Variants in MORC1 observed in about 807,000 individuals in gnomAD.
The protein encoded by MORC1 is MORC family CW-type zinc finger protein 1.
Under a neutral mutation model 134.9 loss-of-function variants are expected in MORC1, and 59 were observed. The observed-to-expected ratio is 0.44, with a 90% CI of 0.35 to 0.54. The LOEUF (loss-of-function observed/expected upper bound fraction) is 0.54. Ranked by LOEUF, MORC1 falls within the 20% of genes least tolerant of loss-of-function variation. The probability of loss-of-function intolerance (pLI) is 0.00; values close to 1 mark genes in which losing one functional copy is unlikely to be tolerated. For synonymous variants in MORC1, 395 were observed against 391.7 expected, an observed-to-expected ratio of 1.01 and a Z score of -0.10; for missense variants, 947 against 1,134.5, an observed-to-expected ratio of 0.83 and a Z score of 2.37.
intron 21 of MORC1, among the ~76,000 whole-genome samples, chr3:108,990,890 TTCTCTCTTTCTCTCTCTC>T (rs1180775921): frequency 7.1e-6 from 1 of 140,620 alleles, no homozygotes; most frequent in Non-Finnish European, 1.5e-5. Context: ...AGGTTTATGT[TTCTCTCTTTCTCTCTCTC>T]TCTCTCTCTC....
chr3:109,001,107 T>C (rs1309082837), intron 20 of MORC1, among the ~76,000 whole-genome samples: 1 of 152,178 alleles, frequency 6.6e-6, no homozygotes, highest in Admixed American at 6.5e-5. Flanking sequence ...TAATGTCTTC[T>C]GGAGTGAAAT....
chr3:109,052,047 G>A lies in MORC1; in HGVS notation c.1330+2681C>T, dbSNP rs60252014. 2.5e-3 allele frequency among the ~76,000 whole-genome samples: 381 copies of A among 152,238 alleles called. 1 individual carries two copies. The highest frequency in any genetic ancestry group is 8.6e-3 in the African/African-American group (358 of 41,540). On this transcript the variant is annotated intron_variant, in intron 14 of 27. Coordinates refer to ENST00000232603, the MANE Select transcript of MORC1 (RefSeq NM_014429.4). ...ATGAAGACAAGGAACGGATTACAGCGAAGACAAGAGGAGTATGGGGAGGTT... is the reference window on the plus strand; with the variant it reads ...ATGAAGACAAGGAACGGATTACAGCAAAGACAAGAGGAGTATGGGGAGGTT...
chr3:109,093,403 T>C (rs982432155), intron 8 of MORC1, 33 bp downstream of exon 8: 3 of 1,540,848 alleles, frequency 1.9e-6, no homozygotes, highest in African/African-American at 2.7e-5. Flanking sequence ...TCACCACCAT[T>C]GTTGAAAAAC....
intron 3 of MORC1, among the ~76,000 whole-genome samples, chr3:109,104,417 A>T (rs1239830243): frequency 1.3e-5 from 2 of 152,224 alleles, no homozygotes; most frequent in Non-Finnish European, 2.9e-5. Flanking sequence ...ATGGGAGCAA[A>T]TACTTACCTC....
chr3:108,958,510 T>C lies in MORC1; in HGVS notation c.*455A>G, dbSNP rs1239759395. The C allele has an allele frequency of 2.0e-5, 3 of 152,108 alleles. No homozygotes were observed. Among genetic ancestry groups the C allele is most frequent in the African/African-American group, 7.2e-5 (3 of 41,440 alleles). 9.4% of individuals were successfully genotyped at this position (152,108 alleles called of 1,614,324 possible). On this transcript the variant is annotated 3_prime_UTR_variant, in exon 28 of 28. Coordinates refer to ENST00000232603, the MANE Select transcript of MORC1 (RefSeq NM_014429.4). ...TTTCTGCTTGACTGAGTGTTGGCTA[T>C]AGTGGAGAAAGGGCATAATGTCTTT...
chr3:109,061,883 G>A, intron 11 of MORC1, 105 bp downstream of exon 11: 1 of 1,001,164 alleles, frequency 1.0e-6, no homozygotes, highest in South Asian at 1.3e-5. Flanking sequence ...GAGCTTATCT[G>A]TGCTTAAAAG....
chr3:109,025,394 T>C (rs1352324644), intron 17 of MORC1, among the ~76,000 whole-genome samples: 5 of 142,186 alleles, frequency 3.5e-5, no homozygotes, highest in Non-Finnish European at 4.6e-5. Flanking sequence ...TTTTTTTTTT[T>C]TTTTTTTTTT....
At chr3:108,999,565 T>G (rs1948338412) in intron 21 of MORC1, among the ~76,000 whole-genome samples, 1 of 152,214 alleles carries the variant, frequency 6.6e-6, no homozygotes, top group Non-Finnish European at 1.5e-5. Context: ...AAATGATATG[T>G]CTCTCATTGG....
At chr3:109,103,826 A>C (rs757422006) in intron 4 of MORC1, 23 bp downstream of exon 4, 2 of 1,587,050 alleles carry the variant, frequency 1.3e-6, no homozygotes, top group South Asian at 1.1e-5. Context: ...ACAGCCAGTT[A>C]GGTATCTAGA....
rs115737475 is a variant in MORC1, at chr3:109,067,605, G to T, written c.815+2027C>A. On this transcript the variant is annotated intron_variant, in intron 9 of 27. Coordinates refer to ENST00000232603, the MANE Select transcript of MORC1 (RefSeq NM_014429.4). ...CCCAAACTCACGAGAGAAATTTAATGTGAAAAGATCGGCTATATTGATTGA... is the reference window on the plus strand; with the variant it reads ...CCCAAACTCACGAGAGAAATTTAATTTGAAAAGATCGGCTATATTGATTGA... 5.1e-3 allele frequency among the ~76,000 whole-genome samples: 782 copies of T among 152,298 alleles called. 18 individuals are homozygous for T. The highest frequency in any genetic ancestry group is 0.018 in the African/African-American group (750 of 41,556).
rs192664742 is a variant in MORC1, at chr3:109,030,511, A to C, written c.1565+2209T>G. Reference sequence around the variant, plus strand: ...ATCAATTTTGCTTTACATCTCCCCTAAATTTCTTGCTGCCACTTTAAGCAT... The same window carrying C: ...ATCAATTTTGCTTTACATCTCCCCTCAATTTCTTGCTGCCACTTTAAGCAT... On this transcript the variant is annotated intron_variant, in intron 16 of 27. Coordinates refer to ENST00000232603, the MANE Select transcript of MORC1 (RefSeq NM_014429.4). Among the ~76,000 whole-genome samples the C allele has an allele frequency of 3.9e-5, 6 of 152,338 alleles. No individual in the cohort carries two copies. The East Asian group carries it at 1.2e-3, about 29-fold the overall frequency.
intron 6 of MORC1, among the ~76,000 whole-genome samples, chr3:109,097,921 G>T (rs747952181): frequency 3.3e-5 from 5 of 152,098 alleles, no homozygotes; most frequent in Non-Finnish European, 7.4e-5. Context: ...AGAAGACTAC[G>T]ATTATATGAT....
chr3:108,996,286 G>GCGCGCACGCACACACACACA, intron 21 of MORC1, among the ~76,000 whole-genome samples: 13 of 146,382 alleles, frequency 8.9e-5, no homozygotes, highest in Admixed American at 2.7e-4. Context: ...GCGCGCGCGC[G>GCGCGCACGCACACACACACA]CACACACACA....
rs976187361 is a variant in MORC1 at position 108,988,969 on chromosome 3, C to A, written c.2188-2020G>T. 3.9e-5 allele frequency among the ~76,000 whole-genome samples: 6 copies of A among 152,158 alleles called. No homozygotes were observed. The South Asian group carries it at 1.2e-3, about 32-fold the overall frequency. ...GCCATCTCTATAACATGAAAAATTTCTTTTATTTTCCTTTGCTGTATTATC... is the reference window on the plus strand; with the variant it reads ...GCCATCTCTATAACATGAAAAATTTATTTTATTTTCCTTTGCTGTATTATC... On this transcript the variant is annotated intron_variant, in intron 21 of 27. Transcript: ENST00000232603.
At chr3:108,973,279 G>A (rs1384704706) in intron 24 of MORC1, among the ~76,000 whole-genome samples, 1 of 152,122 alleles carries the variant, frequency 6.6e-6, no homozygotes, top group Non-Finnish European at 1.5e-5. Flanking sequence ...AACTGATTTG[G>A]CCTAGTGGGG....
At chr3:109,053,176 T>C (rs543770561) in intron 14 of MORC1, among the ~76,000 whole-genome samples, 1 of 151,392 alleles carries the variant, frequency 6.6e-6, no homozygotes, top group South Asian at 2.1e-4. Context: ...TTGGTGGGAA[T>C]GTAAATTTGT....
At chr3:108,977,866 T>C (rs1449138434) in intron 24 of MORC1, among the ~76,000 whole-genome samples, 2 of 152,246 alleles carry the variant, frequency 1.3e-5, no homozygotes, top group Admixed American at 6.5e-5. Context: ...CTGACATCTA[T>C]CTAGATCATT....
intron 14 of MORC1, among the ~76,000 whole-genome samples, chr3:109,042,518 T>C (rs1194528470): frequency 6.6e-6 from 1 of 152,166 alleles, no homozygotes; most frequent in Non-Finnish European, 1.5e-5. Context: ...AAAAATAATA[T>C]GGAGTTTCCT....
chr3:108,973,467 A>G (rs959669521), intron 24 of MORC1, among the ~76,000 whole-genome samples: 14 of 152,296 alleles, frequency 9.2e-5, no homozygotes, highest in African/African-American at 3.4e-4. Flanking sequence ...GAAGTATTCC[A>G]GGCCACCTGC....
Sources: gnomAD v4.1 joint callset for allele counts (sites outside exome capture counted in the v4.1 genomes callset) on GRCh38, gnomAD v4.1.1 for gene constraint, MANE v1.5 for transcripts, NCBI Gene and HGNC (gene_info 2026-07-23, HGNC 2026-07-21) for gene names.